PAX5: variants seen among roughly 807,000 people sequenced by gnomAD.
PAX5 encodes the protein paired box 5, also known as paired box protein Pax-5.
In PAX5, 9 loss-of-function variants were observed where a neutral mutation model predicts 43.7. That is an observed-to-expected ratio of 0.21 (90% CI 0.12 to 0.36). The LOEUF is 0.36. Ranked by LOEUF, PAX5 falls within the 10% of genes least tolerant of loss-of-function variation. The pLI, the probability that PAX5 is intolerant of heterozygous loss-of-function variation, is 1.00. For synonymous variants in PAX5, 228 were observed against 214.3 expected (o/e 1.06, Z -0.56); for missense variants, 383 against 532.7 (o/e 0.72, Z 2.77).
intron 8 of PAX5, among the ~76,000 whole-genome samples, chr9:36,870,059 A>AATGG (rs10597401): frequency 5.2e-5 from 1 of 19,138 alleles, no homozygotes; most frequent in African/African-American, 1.6e-4. Context: ...TGGATGGATA[A>AATGG]ATGGATGGAT....
At chr9:36,899,362 T>C (rs576556872) in intron 7 of PAX5, among the ~76,000 whole-genome samples, 1 of 152,306 alleles carries the variant, frequency 6.6e-6, no homozygotes, top group East Asian at 1.9e-4. Flanking sequence ...CTGGTGCAGG[T>C]ACTATGTCCT....
At chr9:36,975,386 C>CTTTTTT (rs371922622) in intron 5 of PAX5, among the ~76,000 whole-genome samples, 1 of 146,904 alleles carries the variant, frequency 6.8e-6, no homozygotes, top group Non-Finnish European at 1.5e-5. Context: ...TGAGCAATTT[C>CTTTTTT]TTTTTTTTTT....
At chr9:36,944,160 G>A (rs989439961) in intron 6 of PAX5, among the ~76,000 whole-genome samples, 2 of 152,066 alleles carry the variant, frequency 1.3e-5, no homozygotes, top group Admixed American at 1.3e-4. Flanking sequence ...CTCCAGCCTG[G>A]GTGACAAAAA....
intron 7 of PAX5, among the ~76,000 whole-genome samples, chr9:36,913,276 G>T (rs182280298): frequency 1.3e-5 from 2 of 152,332 alleles, no homozygotes; most frequent in East Asian, 3.9e-4. Context: ...TCCCAAACTT[G>T]CTGGCCCACA....
chr9:36,888,428 G>T (rs1827086644), intron 7 of PAX5, among the ~76,000 whole-genome samples: 1 of 152,170 alleles, frequency 6.6e-6, no homozygotes, highest in African/African-American at 2.4e-5. Context: ...GGAATATTTG[G>T]CAATAAAACA....
At chr9:36,906,169 A>T (rs1396774855) in intron 7 of PAX5, among the ~76,000 whole-genome samples, 1 of 152,180 alleles carries the variant, frequency 6.6e-6, no homozygotes, top group East Asian at 1.9e-4. Context: ...CCACCCCAGG[A>T]TGTCTACATC....
intron 3 of PAX5, chr9:37,007,428 C>T (rs1489218925): frequency 6.6e-6 from 1 of 152,230 alleles, no homozygotes; most frequent in Non-Finnish European, 1.5e-5. Context: ...GGCCATCTGA[C>T]CGCTCTAACA....
chr9:36,954,541 G>C (rs1833292073), intron 6 of PAX5, among the ~76,000 whole-genome samples: 1 of 152,140 alleles, frequency 6.6e-6, no homozygotes, highest in South Asian at 2.1e-4. Context: ...AACACTCGAA[G>C]ATATTTTCTG....
intron 6 of PAX5, among the ~76,000 whole-genome samples, chr9:36,950,207 GAA>G (rs1274683048): frequency 3.3e-5 from 5 of 152,148 alleles, no homozygotes; most frequent in Admixed American, 6.5e-5. Flanking sequence ...AGCCTGAAAT[GAA>G]AACATCACCA....
intron 1 of PAX5, among the ~76,000 whole-genome samples, chr9:37,027,575 G>A (rs1840534262): frequency 1.3e-5 from 2 of 152,252 alleles, no homozygotes; most frequent in South Asian, 4.1e-4. Context: ...GGGCTGAGAT[G>A]GAGCCGCAGT....
At chr9:36,940,115 G>C (rs1490185165) in intron 6 of PAX5, among the ~76,000 whole-genome samples, 1 of 152,178 alleles carries the variant, frequency 6.6e-6, no homozygotes, top group African/African-American at 2.4e-5. Context: ...CTCAGCCCCG[G>C]AGATGTTCTA....
chr9:36,854,955 G>A (rs917414719), intron 8 of PAX5, among the ~76,000 whole-genome samples: 1 of 152,242 alleles, frequency 6.6e-6, no homozygotes, highest in Non-Finnish European at 1.5e-5. Context: ...GCCTGGCGTG[G>A]AGGCCAGGAC....
At chr9:36,982,785 G>A (rs997514365) in intron 5 of PAX5, among the ~76,000 whole-genome samples, 8 of 152,194 alleles carry the variant, frequency 5.3e-5, no homozygotes, top group Admixed American at 4.6e-4. Context: ...CTGTGTCTCC[G>A]GGTCAGGTTT....
At chr9:36,981,198 C>G (rs1268017835) in intron 5 of PAX5, among the ~76,000 whole-genome samples, 2 of 126,890 alleles carry the variant, frequency 1.6e-5, no homozygotes, top group African/African-American at 3.1e-5. Flanking sequence ...CCCCCCCCCT[C>G]AGCCCTGCTT....
intron 7 of PAX5, among the ~76,000 whole-genome samples, chr9:36,885,245 A>G (rs1826811973): frequency 6.6e-6 from 1 of 152,132 alleles, no homozygotes. Flanking sequence ...CATAAACCTG[A>G]TGACACTGTG....
rs1821891378 is a variant in PAX5 at position 36,839,684 on chromosome 9, A to G, written c.*876T>C. 2 of 233,146 alleles carry G rather than the reference A, an allele frequency of 8.6e-6. No individual in the cohort carries two copies. Among genetic ancestry groups the G allele is most frequent in the Admixed American group, 5.6e-5 (1 of 17,776 alleles). The allele number at this position is 233,146 out of a possible 1,614,324, so 14.4% of individuals were successfully genotyped here. Reference sequence around the variant, plus strand: ...GCCCCTCCTTGGCTGGGATCAGATGATCTCCTGCGTCCCATCCAGCCCTCA... The same window carrying G: ...GCCCCTCCTTGGCTGGGATCAGATGGTCTCCTGCGTCCCATCCAGCCCTCA... On this transcript the variant is annotated 3_prime_UTR_variant, in exon 10 of 10. Coordinates refer to ENST00000358127, the MANE Select transcript of PAX5 (RefSeq NM_016734.3).
chr9:36,851,739 G>C (rs1465432146), intron 8 of PAX5, among the ~76,000 whole-genome samples: 1 of 152,186 alleles, frequency 6.6e-6, no homozygotes, highest in Non-Finnish European at 1.5e-5. Context: ...AGGCAGGGAG[G>C]AGGGGCAGGC....
At chr9:36,846,787 C>A (rs1307325520) in intron 9 of PAX5, 56 bp downstream of exon 9, 1 of 1,296,616 alleles carries the variant, frequency 7.7e-7, no homozygotes, top group Non-Finnish European at 1.1e-6. Flanking sequence ...AGTGAGGAGG[C>A]CTGGATGGGG....
chr9:36,993,162 T>C (rs1381353129), intron 5 of PAX5, among the ~76,000 whole-genome samples: 2 of 152,234 alleles, frequency 1.3e-5, no homozygotes, highest in Admixed American at 6.5e-5. Context: ...GTCCAGCTGT[T>C]TTCTATTAAG....
Sources: allele counts gnomAD v4.1 joint callset (sites outside exome capture counted in the v4.1 genomes callset), GRCh38; gene constraint gnomAD v4.1.1; transcripts MANE v1.5; gene names NCBI Gene and HGNC (gene_info 2026-07-23, HGNC 2026-07-21).